Variants in GNAI1 observed in about 807,000 individuals in gnomAD.
GNAI1 encodes the protein G protein subunit alpha i1.
In GNAI1, 11 loss-of-function variants were observed where a neutral mutation model predicts 38.9. That is an observed-to-expected ratio of 0.28 (90% CI 0.18 to 0.47). GNAI1 has a LOEUF of 0.47. Among genes scored for constraint, GNAI1 ranks in the 20% least tolerant of loss-of-function variants. The pLI is 0.99. For synonymous variants in GNAI1, 166 were observed against 145.1 expected (o/e 1.14, Z -1.04); for missense variants, 317 against 436.9 (o/e 0.73, Z 2.45).
chr7:80,137,312 CTTTTCTTTTT>C (rs1787436248), intron 1 of GNAI1, among the ~76,000 whole-genome samples: 5 of 66,960 alleles, frequency 7.5e-5, no homozygotes, highest in Admixed American at 1.8e-4. Context: ...TTTTTCTTTT[CTTTTCTTTTT>C]TTTTTTTTTT....
chr7:80,157,865 C>T (rs1787846760), intron 1 of GNAI1, among the ~76,000 whole-genome samples: 1 of 152,096 alleles, frequency 6.6e-6, no homozygotes, highest in Admixed American at 6.6e-5. Flanking sequence ...CACCAAAACA[C>T]CCGGCTAATT....
At chr7:80,149,332 T>C (rs923082381) in intron 1 of GNAI1, among the ~76,000 whole-genome samples, 3 of 152,164 alleles carry the variant, frequency 2.0e-5, no homozygotes, top group African/African-American at 7.2e-5. Context: ...TTTATGCATG[T>C]ATCATTGCCT....
chr7:80,205,130 C>T lies in GNAI1; in HGVS notation c.590+1298C>T, dbSNP rs116259450. Among the ~76,000 whole-genome samples the T allele has an allele frequency of 3.8e-3, 584 of 152,092 alleles. 5 individuals carry two copies. The highest frequency in any genetic ancestry group is 0.013 in the African/African-American group (535 of 41,518). ...AGCCCTTGAACAGCTTTGGGAGGCC[C>T]GTCTGAAGTCAATGACTAATTTATA... On this transcript the variant is annotated intron_variant, in intron 5 of 7. Transcript: ENST00000649796.
chr7:80,142,134 T>C (rs1247006295), intron 1 of GNAI1, among the ~76,000 whole-genome samples: 1 of 152,216 alleles, frequency 6.6e-6, no homozygotes, highest in Non-Finnish European at 1.5e-5. Context: ...CTAGACTTTT[T>C]CTATTATGCT....
intron 3 of GNAI1, 55 bp from the exon 4 acceptor site, chr7:80,199,170 C>A: frequency 8.0e-7 from 1 of 1,254,146 alleles, no homozygotes; most frequent in Non-Finnish European, 1.1e-6. Flanking sequence ...CTCCTTTGTA[C>A]TTTTTATCTC....
At chr7:80,139,909 ATTTTTTTTTT>A (rs71076501) in intron 1 of GNAI1, among the ~76,000 whole-genome samples, 58,544 of 122,314 alleles carry the variant, frequency 0.48, 13,888 homozygotes, top group Middle Eastern at 0.59. Context: ...TTGCCCTGCA[ATTTTTTTTTT>A]TTTTTTTTTT....
At chr7:80,137,312 C>CTTTTTTTTTTTTTTTTTTTTTT (rs1787435883) in intron 1 of GNAI1, among the ~76,000 whole-genome samples, 1 of 66,956 alleles carries the variant, frequency 1.5e-5, no homozygotes. Flanking sequence ...TTTTTCTTTT[C>CTTTTTTTTTTTTTTTTTTTTTT]TTTTCTTTTT....
intron 3 of GNAI1, among the ~76,000 whole-genome samples, chr7:80,189,663 C>G (rs1188369606): frequency 6.6e-6 from 1 of 152,098 alleles, no homozygotes; most frequent in Non-Finnish European, 1.5e-5. Flanking sequence ...ATAATGAAAA[C>G]AGTATAAAAG....
At chr7:80,166,669 A>C (rs963525345) in intron 1 of GNAI1, among the ~76,000 whole-genome samples, 7 of 152,204 alleles carry the variant, frequency 4.6e-5, no homozygotes, top group African/African-American at 1.7e-4. Flanking sequence ...TAGTCCCTTA[A>C]AATGACATGG....
chr7:80,187,481 T>C (rs1788408633), intron 1 of GNAI1: 1 of 152,130 alleles, frequency 6.6e-6, no homozygotes, highest in Non-Finnish European at 1.5e-5. Context: ...GTTCGATGCT[T>C]AATAAAAAAT....
intron 3 of GNAI1, among the ~76,000 whole-genome samples, chr7:80,191,292 G>T (rs1229611617): frequency 6.6e-6 from 1 of 152,024 alleles, no homozygotes; most frequent in East Asian, 1.9e-4. Context: ...ACACGAGGAA[G>T]GGGCATTGAA....
intron 1 of GNAI1, among the ~76,000 whole-genome samples, chr7:80,147,721 A>G (rs1787653201): frequency 6.6e-6 from 1 of 152,130 alleles, no homozygotes; most frequent in South Asian, 2.1e-4. Flanking sequence ...ATCTTAGAAA[A>G]CTACCCTTCA....
At chr7:80,136,703 G>C (rs904062984) in intron 1 of GNAI1, among the ~76,000 whole-genome samples, 1 of 152,218 alleles carries the variant, frequency 6.6e-6, no homozygotes, top group Non-Finnish European at 1.5e-5. Flanking sequence ...TATGAAATAA[G>C]AGGATTAAGA....
At chr7:80,156,987 T>A (rs1265428456) in intron 1 of GNAI1, among the ~76,000 whole-genome samples, 1 of 152,184 alleles carries the variant, frequency 6.6e-6, no homozygotes, top group East Asian at 1.9e-4. Context: ...TAGTTTTACA[T>A]TAGAGTTTAC....
At chr7:80,179,022 A>T (rs531677024) in intron 1 of GNAI1, among the ~76,000 whole-genome samples, 1 of 152,346 alleles carries the variant, frequency 6.6e-6, no homozygotes, top group South Asian at 2.1e-4. Flanking sequence ...ACAGTATATT[A>T]AATGCAGGAA....
intron 1 of GNAI1, among the ~76,000 whole-genome samples, chr7:80,167,404 A>C (rs1322570879): frequency 6.6e-6 from 1 of 152,184 alleles, no homozygotes; most frequent in Non-Finnish European, 1.5e-5. Context: ...AGTCTGGCAA[A>C]GGAAAAGATT....
intron 1 of GNAI1, among the ~76,000 whole-genome samples, chr7:80,146,224 C>T (rs1003099666): frequency 6.6e-6 from 1 of 152,054 alleles, no homozygotes; most frequent in African/African-American, 2.4e-5. Flanking sequence ...CCTCTCTTTT[C>T]CCTGTGTGAC....
chr7:80,211,993 C>G (rs1419181404), intron 6 of GNAI1, among the ~76,000 whole-genome samples: 1 of 152,042 alleles, frequency 6.6e-6, no homozygotes, highest in Non-Finnish European at 1.5e-5. Context: ...ATACAGAAAG[C>G]CACTTTTTCC....
At chr7:80,143,188 C>A (rs1787555944) in intron 1 of GNAI1, among the ~76,000 whole-genome samples, 1 of 152,118 alleles carries the variant, frequency 6.6e-6, no homozygotes, top group East Asian at 1.9e-4. Flanking sequence ...ACGCATTAGC[C>A]TTACCAGATC....
Sources: gnomAD v4.1 joint callset for allele counts (sites outside exome capture counted in the v4.1 genomes callset) on GRCh38, gnomAD v4.1.1 for gene constraint, MANE v1.5 for transcripts, NCBI Gene and HGNC (gene_info 2026-07-23, HGNC 2026-07-21) for gene names.